Variants in HEATR5A observed in about 807,000 individuals in gnomAD.
The protein encoded by HEATR5A is HEAT repeat containing 5A.
In HEATR5A, 178 loss-of-function variants were observed where a neutral mutation model predicts 218.8. The observed-to-expected ratio is 0.81, with a 90% CI of 0.72 to 0.92. The LOEUF (loss-of-function observed/expected upper bound fraction) is 0.92, where lower values mean the gene tolerates loss of function less well. HEATR5A is among the 40% of genes least tolerant of loss of function. The pLI, the probability that HEATR5A is intolerant of heterozygous loss-of-function variation, is 0.00. For missense variants in HEATR5A, 2,420 were observed against 2,418.9 expected (o/e 1.00, Z -0.01); for synonymous variants, 864 against 871.6 (o/e 0.99, Z 0.15).
intron 18 of HEATR5A, 49 bp downstream of exon 18, chr14:31,349,739 AC>A: frequency 8.0e-7 from 1 of 1,243,138 alleles, no homozygotes; most frequent in Non-Finnish European, 1.2e-6. Context: ...AGAAAGCTAT[AC>A]CCAGTTTTGA....
chr14:31,315,545 C>T (rs1331701982), intron 27 of HEATR5A, among the ~76,000 whole-genome samples: 1 of 152,160 alleles, frequency 6.6e-6, no homozygotes, highest in Non-Finnish European at 1.5e-5. Context: ...CTCTCTGGCT[C>T]ATAAGTAGCA....
At chr14:31,352,566 C>T (rs576318096) in intron 16 of HEATR5A, among the ~76,000 whole-genome samples, 1 of 152,054 alleles carries the variant, frequency 6.6e-6, no homozygotes, top group Non-Finnish European at 1.5e-5. Flanking sequence ...TTTAAAAAAC[C>T]TAACTGTACA....
In HEATR5A at chr14:31,328,109, C is replaced by T. The variant is rs931352526; in HGVS notation, c.3368-1767G>A. Among the ~76,000 whole-genome samples, 5 of 151,964 alleles carry T rather than the reference C, an allele frequency of 3.3e-5. No individual in the cohort carries two copies. In the South Asian group the frequency reaches 8.3e-4, roughly 25 times the overall value. ...GATTACAGGCATGTGCTACCATGCC[C>T]AGCTAATTTTTTTTTTTATTACCTT... On this transcript the variant is annotated intron_variant, in intron 22 of 35. Coordinates refer to ENST00000543095, the MANE Select transcript of HEATR5A (RefSeq NM_015473.4).
chr14:31,293,240 T>C lies in HEATR5A; in HGVS notation c.*65A>G. 1.5e-6 allele frequency: 2 copies of C among 1,313,346 alleles called. No homozygotes were observed. Among genetic ancestry groups the C allele is most frequent in the Non-Finnish European group, 2.1e-6 (2 of 952,372 alleles). 81.4% of individuals were successfully genotyped at this position (1,313,346 alleles called of 1,614,324 possible). On this transcript the variant is annotated 3_prime_UTR_variant, in exon 36 of 36. Coordinates refer to ENST00000543095, the MANE Select transcript of HEATR5A (RefSeq NM_015473.4). The stretch of plus-strand genomic sequence containing the variant: ...GGGCACTTGTGTCTACAATGTCCCT[T>C]TTGTCACCAAAGGCAATGATCAAGT...
chr14:31,304,878 G>A, intron 32 of HEATR5A, 27 bp downstream of exon 32: 5 of 1,603,984 alleles, frequency 3.1e-6, no homozygotes, highest in Non-Finnish European at 4.2e-6. Flanking sequence ...TCTAGGTCAA[G>A]TCAAGCAATC....
At position 31,402,868 on chromosome 14, in the gene HEATR5A, G is replaced by T; in HGVS notation, c.108C>A (p.Leu36=). The part of the protein sequence containing the change: ...IFEWLRYLEK[L]LLATSRNDVR... ...TACCCACCCTGCTGGTTGCCAACAA[G>T]AGCTTCTCCAAGTATCTCAACCACT... The change falls in exon 2 of 36, where the codon CTC becomes CTA. Residue 36 remains leucine, a synonymous_variant. Coordinates refer to ENST00000543095, the MANE Select transcript of HEATR5A (RefSeq NM_015473.4). The T allele has an allele frequency of 6.5e-7, 1 of 1,536,526 alleles. No individual in the cohort carries two copies. Among genetic ancestry groups the T allele is most frequent in the South Asian group, 1.2e-5 (1 of 84,058 alleles).
chr14:31,361,940 A>AAATT (rs889882630), intron 14 of HEATR5A, among the ~76,000 whole-genome samples: 6 of 147,472 alleles, frequency 4.1e-5, no homozygotes, highest in Non-Finnish European at 6.1e-5. Flanking sequence ...ATAAAATCAG[A>AAATT]AATTTATTTA....
chr14:31,347,722 AG>A (rs1901068574), intron 19 of HEATR5A, 25 bp downstream of exon 19: 1 of 1,486,182 alleles, frequency 6.7e-7, no homozygotes. Context: ...ATGAATTTCA[AG>A]GGAAGTATCA....
chr14:31,416,888 G>A (rs1011357272), intron 1 of HEATR5A, among the ~76,000 whole-genome samples: 2 of 151,768 alleles, frequency 1.3e-5, no homozygotes, highest in African/African-American at 4.8e-5. Context: ...GATTCCTTGA[G>A]CCCAGGAGTT....
At chr14:31,401,907 A>T (rs575669033) in intron 2 of HEATR5A, among the ~76,000 whole-genome samples, 2 of 152,236 alleles carry the variant, frequency 1.3e-5, no homozygotes, top group Non-Finnish European at 2.9e-5. Context: ...TGCTATCTGA[A>T]TAAAGAGTAC....
At chr14:31,375,020 TTAAA>T in intron 11 of HEATR5A, 52 bp from the exon 12 acceptor site, 1 of 1,444,718 alleles carries the variant, frequency 6.9e-7, no homozygotes, top group South Asian at 1.3e-5. Flanking sequence ...TTGTCACTCT[TTAAA>T]ACTCTATTAT....
intron 16 of HEATR5A, among the ~76,000 whole-genome samples, chr14:31,354,841 T>G (rs1901364676): frequency 6.6e-6 from 1 of 152,024 alleles, no homozygotes; most frequent in African/African-American, 2.4e-5. Flanking sequence ...ATGGCAAAAT[T>G]TTTTACTACT....
chr14:31,294,208 T>A, intron 34 of HEATR5A, 104 bp from the exon 35 acceptor site: 1 of 760,948 alleles, frequency 1.3e-6, no homozygotes, highest in Non-Finnish European at 2.1e-6. Flanking sequence ...TAAATTTATT[T>A]CTAATTTGTG....
At chr14:31,409,580 G>A (rs1294298363) in intron 1 of HEATR5A, among the ~76,000 whole-genome samples, 1 of 152,058 alleles carries the variant, frequency 6.6e-6, no homozygotes, top group Non-Finnish European at 1.5e-5. Flanking sequence ...CACACCTGTA[G>A]TCCCAGCTGT....
chr14:31,370,173 C>G (rs1901983165), intron 13 of HEATR5A, among the ~76,000 whole-genome samples: 1 of 151,606 alleles, frequency 6.6e-6, no homozygotes, highest in Non-Finnish European at 1.5e-5. Flanking sequence ...TTGCAGTGAG[C>G]CGAGATTGTA....
rs367612348 is a variant in HEATR5A, at chr14:31,293,964, A to G, written c.5760T>C (p.Thr1920=). 2.5e-6 allele frequency: 4 copies of G among 1,607,872 alleles called. No homozygotes were observed. Among genetic ancestry groups the G allele is most frequent in the Middle Eastern group, 1.7e-4 (1 of 6,058 alleles). The change falls in exon 35 of 36, where the codon ACT becomes ACC. Residue 1920 remains threonine, a synonymous_variant. Coordinates refer to ENST00000543095, the MANE Select transcript of HEATR5A (RefSeq NM_015473.4). ...QEIDKRKPEN[T]AELEIFQEGI... is the part of the protein sequence containing the mutation. ...CTTCTTGGAAGATCTCAAGCTCAGC[A>G]GTGTTTTCAGGTTTTCTCTTGTCTA...
intron 18 of HEATR5A, 65 bp from the exon 19 acceptor site, chr14:31,347,972 G>C (rs896097323): frequency 6.0e-6 from 6 of 999,600 alleles, no homozygotes; most frequent in Non-Finnish European, 6.7e-6. Flanking sequence ...AAAAACTAAT[G>C]CATGTACACT....
At chr14:31,306,087 C>A (rs1337005602) in intron 31 of HEATR5A, among the ~76,000 whole-genome samples, 1 of 152,168 alleles carries the variant, frequency 6.6e-6, no homozygotes, top group Admixed American at 6.5e-5. Flanking sequence ...GGATTTATTT[C>A]TTCCAGGTTT....
chr14:31,326,950 C>G (rs1168691267), intron 22 of HEATR5A, among the ~76,000 whole-genome samples: 2 of 151,468 alleles, frequency 1.3e-5, no homozygotes, highest in African/African-American at 4.9e-5. Context: ...CAGCTCAATA[C>G]TTACAAATTT....
Sources: allele counts gnomAD v4.1 joint callset (sites outside exome capture counted in the v4.1 genomes callset), GRCh38; gene constraint gnomAD v4.1.1; transcripts MANE v1.5; gene names NCBI Gene and HGNC (gene_info 2026-07-23, HGNC 2026-07-21).